Variants in PI16 observed in about 807,000 individuals in gnomAD.
PI16 encodes the protein peptidase inhibitor 16, also known as PSP94-binding protein.
A neutral mutation model predicts 38.0 loss-of-function variants in PI16; 35 were observed. That is an observed-to-expected ratio of 0.92 (90% CI 0.70 to 1.22). The LOEUF (loss-of-function observed/expected upper bound fraction) is 1.22. Among genes scored for constraint, PI16 ranks in the 50% most tolerant of loss-of-function variants. PI16 has a pLI of 0.00. For synonymous variants in PI16, 275 were observed against 252.9 expected (o/e 1.09, Z -0.83); for missense variants, 572 against 593.8 (o/e 0.96, Z 0.38).
At chr6:36,949,474 TTCTCCCG>T (rs2150732011) in intron 1 of PI16, among the ~76,000 whole-genome samples, 1 of 152,286 alleles carries the variant, frequency 6.6e-6, no homozygotes, top group South Asian at 2.1e-4. Flanking sequence ...ACTCACTGAG[TTCTCCCG>T]TCTATGGAGG....
At chr6:36,951,580 T>C (rs1413164238), upstream of PI16, among the ~76,000 whole-genome samples, 1 of 152,152 alleles carries the variant, frequency 6.6e-6, no homozygotes, top group African/African-American at 2.4e-5. Context: ...TTGTTGTTGT[T>C]GAGTTGTAGG....
intron 2 of PI16, 146 bp downstream of exon 2, chr6:36,959,512 A>C (rs1763298033): frequency 3.8e-6 from 3 of 793,048 alleles, no homozygotes; most frequent in Non-Finnish European, 5.9e-6. Context: ...CCCCTCAGAC[A>C]CTTTGCAAAT....
In PI16 at chr6:36,949,194, T is replaced by A. The variant is rs1178892739; in HGVS notation, c.-82+790T>A. On this transcript the variant is annotated intron_variant, in intron 1 of 7. Transcript: ENST00000611814. ...CCCAGGCTGGAATGCAGTGGCGTGA[T>A]CTCTGCAACCTCCGCCTCCCGGGTT... Among the ~76,000 whole-genome samples, 4 of 152,198 alleles carry A rather than the reference T, an allele frequency of 2.6e-5. No homozygotes were observed. The East Asian group carries it at 7.7e-4, about 29-fold the overall frequency.
upstream of PI16, among the ~76,000 whole-genome samples, chr6:36,952,796 T>C (rs1455472757): frequency 6.6e-6 from 1 of 152,224 alleles, no homozygotes. Flanking sequence ...TGAGATTCCA[T>C]ATAAATTTTA....
In PI16 at chr6:36,963,268, A is replaced by T. The variant is rs1236266797; in HGVS notation, c.926A>T (p.Lys309Ile). 6.2e-7 allele frequency: 1 copy of T among 1,614,124 alleles called. No homozygotes were observed. Residue 309 changes from lysine to isoleucine, a missense_variant, in exon 5 of 7, where the codon AAA becomes ATA. Coordinates refer to ENST00000373674, the MANE Select transcript of PI16 (RefSeq NM_153370.3). ...GATGAGGAGCCAGTTACCTTCCCCA[A>T]ATCGACCCATGTTCCTATCCCAAAA... ...SLDEEPVTFP[K>I]STHVPIPKSA...
upstream of PI16, among the ~76,000 whole-genome samples, chr6:36,954,175 A>G (rs1763148481): frequency 2.0e-5 from 3 of 152,224 alleles, no homozygotes; most frequent in South Asian, 6.2e-4. Context: ...CATACATTAT[A>G]TGTCATTGAA....
intron 1 of PI16, among the ~76,000 whole-genome samples, chr6:36,949,460 A>T (rs2150732005): frequency 6.6e-6 from 1 of 152,300 alleles, no homozygotes; most frequent in South Asian, 2.1e-4. Context: ...CTAAGTTGTC[A>T]GGAACTCACT....
In PI16 at chr6:36,961,444, T is replaced by TC; in HGVS notation, c.394-6dup. 1 of 1,613,776 alleles carries TC rather than the reference T, an allele frequency of 6.2e-7. No individual in the cohort carries two copies. The highest frequency in any genetic ancestry group is 2.2e-5 in the East Asian group (1 of 44,880). On this transcript the variant is annotated splice_region_variant and splice_polypyrimidine_tract_variant and intron_variant, in intron 2 of 6. Coordinates refer to ENST00000373674, the MANE Select transcript of PI16 (RefSeq NM_153370.3). ...GGGGCTGAGCTGCTAGGTTTGCCCT[T>TC]CATCAGGTGGTATGGGCCAAGACAG...
At position 36,960,979 on chromosome 6, in the gene PI16, C is replaced by A. The variant is rs193001651; in HGVS notation, c.394-472C>A. On this transcript the variant is annotated intron_variant, in intron 2 of 6. Coordinates refer to ENST00000373674, the MANE Select transcript of PI16 (RefSeq NM_153370.3). ...CACTGAGAAACAACCAGAACAGGTC[C>A]TGCTCACCTGTGATTTGGGGGAAGT... Among the ~76,000 whole-genome samples, 360 of 152,278 alleles carry A rather than the reference C, an allele frequency of 2.4e-3. 2 individuals are homozygous for A. The highest frequency in any genetic ancestry group is 7.6e-3 in the African/African-American group (316 of 41,552).
intron 2 of PI16, among the ~76,000 whole-genome samples, 177 bp downstream of exon 2, chr6:36,959,543 A>G (rs1763298909): frequency 6.6e-6 from 1 of 152,208 alleles, no homozygotes; most frequent in Admixed American, 6.5e-5. Context: ...CACTGCAGCT[A>G]ATACGCTGTC....
intron 2 of PI16, 130 bp downstream of exon 2, chr6:36,959,496 C>A: frequency 1.1e-6 from 1 of 876,260 alleles, no homozygotes; most frequent in Non-Finnish European, 1.7e-6. Context: ...GGGCTTCACT[C>A]CAAGCCCCCT....
intron 2 of PI16, 85 bp downstream of exon 2, chr6:36,959,451 T>C (rs1309450613): frequency 1.5e-6 from 2 of 1,340,450 alleles, no homozygotes; most frequent in South Asian, 2.9e-5. Context: ...CACCTCTGCC[T>C]TCACCCCTCC....
chr6:36,961,569 C>CG lies in PI16; in HGVS notation c.503+15dup, dbSNP rs765893011. Reference sequence around the variant, plus strand: ...TGCAACTATGAGCCTCCGTGAGTGCCGGGGGGAACCCTGGAGATGGAGAGG... The same window carrying CG: ...TGCAACTATGAGCCTCCGTGAGTGCCGGGGGGGAACCCTGGAGATGGAGAGG... On this transcript the variant is annotated intron_variant, in intron 3 of 6. Transcript: ENST00000373674. 370 of 1,611,732 alleles carry CG rather than the reference C, an allele frequency of 2.3e-4. No individual in the cohort carries two copies. The highest frequency in any genetic ancestry group is 1.1e-3 in the African/African-American group (86 of 74,960).
At chr6:36,958,786 A>G (rs1191322692) in intron 1 of PI16, among the ~76,000 whole-genome samples, 1 of 152,148 alleles carries the variant, frequency 6.6e-6, no homozygotes, top group African/African-American at 2.4e-5. Flanking sequence ...GAGAAGTTCA[A>G]GGAGGACTGG....
At chr6:36,948,601 T>C (rs1024623585) in intron 1 of PI16, among the ~76,000 whole-genome samples, 2 of 147,504 alleles carry the variant, frequency 1.4e-5, no homozygotes, top group Non-Finnish European at 3.0e-5. Context: ...CCCAGCTCTG[T>C]GTTTCTTTCT....
At chr6:36,958,035 G>C (rs530733305) in intron 1 of PI16, among the ~76,000 whole-genome samples, 3 of 152,236 alleles carry the variant, frequency 2.0e-5, no homozygotes, top group Non-Finnish European at 4.4e-5. Context: ...ACTCACCCAA[G>C]GTCACAGCTG....
chr6:36,956,837 A>C (rs1225894664), intron 1 of PI16, among the ~76,000 whole-genome samples: 1 of 152,128 alleles, frequency 6.6e-6, no homozygotes, highest in Admixed American at 6.5e-5. Context: ...AAAAGAGGGA[A>C]TGGATCCAGG....
Position 36,961,488 on chromosome 6 carries a change from C to A in PI16, c.431C>A (p.Ser144Tyr). The A allele has an allele frequency of 6.2e-7, 1 of 1,614,192 alleles. No homozygotes were observed. Among genetic ancestry groups the A allele is most frequent in the Non-Finnish European group, 8.5e-7 (1 of 1,180,036 alleles). ...WAKTERIGCG[S>Y]HFCEKLQGVE... ...AAGACAGAGAGGATCGGCTGTGGTT[C>A]CCACTTCTGTGAGAAGCTCCAGGGT... The change falls in exon 3 of 7, where the codon TCC (serine) becomes TAC (tyrosine). Residue 144 changes from serine (S) to tyrosine (Y), a missense_variant. Ser to Tyr is a moderately radical substitution (Grantham distance 144, BLOSUM62 -2). Transcript: ENST00000373674.
intron 1 of PI16, among the ~76,000 whole-genome samples, chr6:36,949,032 C>T (rs1763059902): frequency 1.3e-5 from 2 of 152,004 alleles, no homozygotes; most frequent in Admixed American, 6.5e-5. Flanking sequence ...CTCTTGACCT[C>T]GTGATCCACC....
Sources: allele counts gnomAD v4.1 joint callset (sites outside exome capture counted in the v4.1 genomes callset), GRCh38; gene constraint gnomAD v4.1.1; transcripts MANE v1.5; gene names NCBI Gene and HGNC (gene_info 2026-07-23, HGNC 2026-07-21).